TSC22D1: variants seen among roughly 807,000 people sequenced by gnomAD.
TSC22D1 encodes TSC22 domain family member 1, also known as TSC22 domain family protein 1.
In TSC22D1, 9 loss-of-function variants were observed where a neutral mutation model predicts 74.2. The ratio of observed to expected loss-of-function variants is 0.12; its 90% CI spans 0.07 to 0.21. The LOEUF (loss-of-function observed/expected upper bound fraction) is 0.21. Among genes scored for constraint, TSC22D1 ranks in the 10% least tolerant of loss-of-function variants. The probability of loss-of-function intolerance (pLI) is 1.00; values close to 1 mark genes in which losing one functional copy is unlikely to be tolerated. For missense variants in TSC22D1, 1,427 were observed against 1,304.7 expected, an observed-to-expected ratio of 1.09 and a Z score of -1.44; for synonymous variants, 586 against 492.5, an observed-to-expected ratio of 1.19 and a Z score of -2.51.
rs144392797 is a variant in TSC22D1, at chr13:44,442,775, C to T, written c.2913-6680G>A. Among the ~76,000 whole-genome samples the T allele has an allele frequency of 4.3e-3, 655 of 151,562 alleles. 5 individuals are homozygous for T. The highest frequency in any genetic ancestry group is 0.015 in the African/African-American group (620 of 41,300). On this transcript the variant is annotated intron_variant, in intron 1 of 2. Transcript: ENST00000458659. ...CTACTAAAAATATAAAATAGCTGGG[C>T]GTTGTGGCACACACCTGTAATTCCA...
intron 1 of TSC22D1, among the ~76,000 whole-genome samples, chr13:44,541,985 TTC>T (rs1457654292): frequency 3.9e-5 from 6 of 152,132 alleles, no homozygotes; most frequent in African/African-American, 1.4e-4. Flanking sequence ...TGACAAATTA[TTC>T]TTTTTCATAT....
intron 1 of TSC22D1, among the ~76,000 whole-genome samples, chr13:44,461,922 A>T (rs1029434983): frequency 3.3e-5 from 5 of 152,178 alleles, no homozygotes; most frequent in Non-Finnish European, 7.3e-5. Flanking sequence ...GAGTAGCCTG[A>T]CCAGCTCTGT....
intron 1 of TSC22D1, among the ~76,000 whole-genome samples, chr13:44,500,095 G>GA (rs751648270): frequency 5.5e-3 from 378 of 68,780 alleles, no homozygotes; most frequent in Middle Eastern, 0.01. Flanking sequence ...TCTCAAAAAA[G>GA]AAAAAAAAAA....
chr13:44,535,741 T>C (rs1881099324), intron 1 of TSC22D1, among the ~76,000 whole-genome samples: 1 of 151,998 alleles, frequency 6.6e-6, no homozygotes, highest in South Asian at 2.1e-4. Flanking sequence ...CCTATGTTCC[T>C]ATACCTCAAA....
intron 1 of TSC22D1, among the ~76,000 whole-genome samples, chr13:44,509,377 G>A (rs1879583009): frequency 6.6e-6 from 1 of 152,168 alleles, no homozygotes; most frequent in South Asian, 2.1e-4. Context: ...GGTGGCTCAC[G>A]CCTGTAATCC....
chr13:44,566,135 A>G (rs998159660), intron 1 of TSC22D1, among the ~76,000 whole-genome samples: 2 of 152,174 alleles, frequency 1.3e-5, no homozygotes, highest in Non-Finnish European at 2.9e-5. Context: ...GAATACACAA[A>G]GCAATGAAGC....
At chr13:44,553,766 T>A (rs185043922) in intron 1 of TSC22D1, among the ~76,000 whole-genome samples, 1 of 152,352 alleles carries the variant, frequency 6.6e-6, no homozygotes, top group Non-Finnish European at 1.5e-5. Flanking sequence ...AACTGCTCAA[T>A]AATCACATAT....
At chr13:44,489,785 G>A (rs1231991750) in intron 1 of TSC22D1, among the ~76,000 whole-genome samples, 1 of 152,080 alleles carries the variant, frequency 6.6e-6, no homozygotes, top group East Asian at 1.9e-4. Context: ...ATAGATCTAT[G>A]CTCAATCTCA....
intron 1 of TSC22D1, among the ~76,000 whole-genome samples, chr13:44,510,842 C>G (rs143363775): frequency 5.1e-4 from 77 of 152,256 alleles, no homozygotes; most frequent in African/African-American, 1.5e-3. Flanking sequence ...GTGATCTGCC[C>G]AATTCAGCCT....
At chr13:44,473,269 T>TGGATCACTTGAGGTCAG (rs1383122743) in intron 1 of TSC22D1, among the ~76,000 whole-genome samples, 1 of 152,028 alleles carries the variant, frequency 6.6e-6, no homozygotes, top group Non-Finnish European at 1.5e-5. Context: ...CCAACGCAGG[T>TGGATCACTTGAGGTCAG]GGATCACTTG....
At chr13:44,566,994 G>T (rs1038746266) in intron 1 of TSC22D1, among the ~76,000 whole-genome samples, 1 of 152,110 alleles carries the variant, frequency 6.6e-6, no homozygotes, top group Non-Finnish European at 1.5e-5. Context: ...CAGTCCTACA[G>T]ATTCCCAACT....
At chr13:44,568,756 C>T (rs1360553304) in intron 1 of TSC22D1, among the ~76,000 whole-genome samples, 1 of 152,020 alleles carries the variant, frequency 6.6e-6, no homozygotes, top group Admixed American at 6.5e-5. Context: ...CCAAAACATA[C>T]AAAAATGGGA....
In TSC22D1 at chr13:44,459,316, C is replaced by T. The variant is rs577129714; in HGVS notation, c.2913-23221G>A. Among the ~76,000 whole-genome samples, 21 of 152,248 alleles carry T rather than the reference C, an allele frequency of 1.4e-4. No individual in the cohort carries two copies. The East Asian group carries it at 4.1e-3, about 29-fold the overall frequency. On this transcript the variant is annotated intron_variant, in intron 1 of 2. Transcript: ENST00000458659. The stretch of plus-strand genomic sequence containing the variant: ...GGTCTCCTCTCCACTGAGAGCTGGA[C>T]ACTTGCCAGGATGACCTGCCTGTGG...
chr13:44,551,503 C>T (rs1882272093), intron 1 of TSC22D1, among the ~76,000 whole-genome samples: 1 of 151,968 alleles, frequency 6.6e-6, no homozygotes, highest in South Asian at 2.1e-4. Flanking sequence ...TCACTGCAAA[C>T]TCTGCCTCCC....
intron 1 of TSC22D1, among the ~76,000 whole-genome samples, chr13:44,546,784 A>T (rs77453689): frequency 7.8e-6 from 1 of 127,554 alleles, no homozygotes; most frequent in African/African-American, 2.7e-5. Flanking sequence ...GTAGGTATGT[A>T]TGTATGTACT....
chr13:44,447,146 C>CT (rs59178966), intron 1 of TSC22D1, among the ~76,000 whole-genome samples: 4,790 of 143,058 alleles, frequency 0.033, 168 homozygotes, highest in African/African-American at 0.094. Context: ...GATACCTATA[C>CT]TTTTTTTTTT....
chr13:44,456,986 A>T (rs1276615053), intron 1 of TSC22D1, among the ~76,000 whole-genome samples: 4 of 152,248 alleles, frequency 2.6e-5, no homozygotes, highest in Non-Finnish European at 5.9e-5. Context: ...AGAACTACAG[A>T]TCAGGCTTTT....
chr13:44,525,224 C>T (rs1277404006), intron 1 of TSC22D1, among the ~76,000 whole-genome samples: 1 of 152,174 alleles, frequency 6.6e-6, no homozygotes, highest in African/African-American at 2.4e-5. Flanking sequence ...CTCCCCGCTC[C>T]ACAACACTCA....
At chr13:44,538,806 T>G (rs1881299654) in intron 1 of TSC22D1, 1 of 985,314 alleles carries the variant, frequency 1.0e-6, no homozygotes, top group Non-Finnish European at 1.2e-6. Context: ...TGCTGGCATG[T>G]GTGACAGATA....
Sources: allele counts gnomAD v4.1 joint callset (sites outside exome capture counted in the v4.1 genomes callset), GRCh38; gene constraint gnomAD v4.1.1; transcripts MANE v1.5; gene names NCBI Gene and HGNC (gene_info 2026-07-23, HGNC 2026-07-21).